CCDC192: variants seen among roughly 807,000 people sequenced by gnomAD.
CCDC192 encodes the protein coiled-coil domain-containing protein 192.
At chr5:127,725,498 T>C (rs951949780) in intron 2 of CCDC192, among the ~76,000 whole-genome samples, 12 of 152,230 alleles carry the variant, frequency 7.9e-5, no homozygotes, top group African/African-American at 2.9e-4. Flanking sequence ...ATTCAAAGTA[T>C]TATTTCAACA....
chr5:127,712,030 C>A (rs1296009394), intron 2 of CCDC192, among the ~76,000 whole-genome samples: 2 of 152,102 alleles, frequency 1.3e-5, no homozygotes, highest in Non-Finnish European at 2.9e-5. Flanking sequence ...GGAATTCCCC[C>A]ACCTGCCTCT....
At chr5:127,750,147 T>G (rs1754053043) in intron 2 of CCDC192, among the ~76,000 whole-genome samples, 1 of 152,220 alleles carries the variant, frequency 6.6e-6, no homozygotes, top group South Asian at 2.1e-4. Context: ...ATTTCTTGCC[T>G]TCTGCTAGCT....
At chr5:127,802,465 C>T (rs76816995) in intron 5 of CCDC192, among the ~76,000 whole-genome samples, 2,082 of 152,278 alleles carry the variant, frequency 0.014, 46 homozygotes, top group African/African-American at 0.048. Context: ...CACCCTGCAT[C>T]TCTGCCCTAG....
chr5:127,714,410 A>T (rs996228831), intron 2 of CCDC192, among the ~76,000 whole-genome samples: 2 of 152,124 alleles, frequency 1.3e-5, no homozygotes, highest in Non-Finnish European at 2.9e-5. Context: ...TTATTTTTAG[A>T]TAGAATCTCA....
intron 5 of CCDC192, among the ~76,000 whole-genome samples, chr5:127,830,479 G>A (rs1029232355): frequency 2.0e-5 from 3 of 152,100 alleles, no homozygotes; most frequent in African/African-American, 2.4e-5. Flanking sequence ...TTCTTGCTGC[G>A]TCCTTATATG....
chr5:127,903,831 T>A (rs1753123889), intron 6 of CCDC192, among the ~76,000 whole-genome samples: 1 of 152,158 alleles, frequency 6.6e-6, no homozygotes, highest in African/African-American at 2.4e-5. Flanking sequence ...TTGAAAACTG[T>A]TTTGTTGGAG....
chr5:127,795,385 A>G (rs1235292443), intron 3 of CCDC192, among the ~76,000 whole-genome samples: 1 of 152,038 alleles, frequency 6.6e-6, no homozygotes, highest in Non-Finnish European at 1.5e-5. Context: ...AATAATTATA[A>G]TAAGAGCTGC....
At chr5:127,793,327 A>T (rs557809049) in intron 3 of CCDC192, among the ~76,000 whole-genome samples, 9 of 152,170 alleles carry the variant, frequency 5.9e-5, no homozygotes, top group Admixed American at 3.3e-4. Flanking sequence ...ACAAAAGGAG[A>T]GGAAATAAGG....
Position 127,778,448 on chromosome 5 carries a change from C to T in CCDC192, c.223-18655C>T, listed in dbSNP as rs976219201. Among the ~76,000 whole-genome samples the T allele has an allele frequency of 2.6e-5, 4 of 152,150 alleles. No individual in the cohort carries two copies. In the South Asian group the frequency reaches 6.2e-4, roughly 24 times the overall value. On this transcript the variant is annotated intron_variant, in intron 3 of 6. Transcript: ENST00000514853. ...TTTTAGATATTGAACCACTCTTGTACATCTGAGATTAATCCCACTTGGTCA... is the reference window on the plus strand; with the variant it reads ...TTTTAGATATTGAACCACTCTTGTATATCTGAGATTAATCCCACTTGGTCA...
At chr5:127,838,531 T>C (rs1413202418) in intron 5 of CCDC192, 1 of 152,200 alleles carries the variant, frequency 6.6e-6, no homozygotes, top group Non-Finnish European at 1.5e-5. Context: ...ACAGAATGTC[T>C]TTCTCAGGAT....
chr5:127,879,187 T>C (rs1752245740), intron 6 of CCDC192, among the ~76,000 whole-genome samples: 1 of 152,018 alleles, frequency 6.6e-6, no homozygotes, highest in Non-Finnish European at 1.5e-5. Flanking sequence ...CTTCAAACTA[T>C]ACTACAAGGC....
chr5:127,917,975 A>C (rs959037572), intron 6 of CCDC192, among the ~76,000 whole-genome samples: 2 of 152,054 alleles, frequency 1.3e-5, no homozygotes, highest in African/African-American at 4.8e-5. Context: ...CCTCGTCTCT[A>C]CAAAATAAAA....
intron 6 of CCDC192, among the ~76,000 whole-genome samples, chr5:127,887,939 G>T (rs545546660): frequency 6.6e-6 from 1 of 151,704 alleles, no homozygotes; most frequent in Non-Finnish European, 1.5e-5. Flanking sequence ...TCTTGACCTC[G>T]TGATCCACCC....
intron 3 of CCDC192, among the ~76,000 whole-genome samples, chr5:127,787,807 T>C (rs1320459408): frequency 6.6e-6 from 1 of 152,104 alleles, no homozygotes; most frequent in Admixed American, 6.5e-5. Flanking sequence ...GTGTAGATAT[T>C]ATATCCATTA....
At chr5:127,785,662 C>G (rs923525389) in intron 3 of CCDC192, 1 of 168,390 alleles carries the variant, frequency 5.9e-6, no homozygotes, top group African/African-American at 2.4e-5. Flanking sequence ...CATAGAACTT[C>G]TGAAACACAT....
At chr5:127,939,661 T>C (rs1437941343) in intron 6 of CCDC192, among the ~76,000 whole-genome samples, 1 of 149,984 alleles carries the variant, frequency 6.7e-6, no homozygotes, top group Non-Finnish European at 1.5e-5. Context: ...ATTAATTTTA[T>C]TTGTTGAGAA....
chr5:127,919,629 A>G (rs6898966), intron 6 of CCDC192, among the ~76,000 whole-genome samples: 27,077 of 152,066 alleles, frequency 0.18, 6,057 homozygotes, highest in African/African-American at 0.51. Context: ...AGAGCACGGC[A>G]TTGTTCTCAC....
chr5:127,891,227 A>G, intron 6 of CCDC192, among the ~76,000 whole-genome samples: 1 of 151,714 alleles, frequency 6.6e-6, no homozygotes, highest in South Asian at 2.1e-4. Flanking sequence ...TAATTTTTGT[A>G]TTTTTTAGTA....
chr5:127,806,355 A>G (rs1163001582), intron 5 of CCDC192, among the ~76,000 whole-genome samples: 2 of 152,074 alleles, frequency 1.3e-5, no homozygotes, highest in East Asian at 1.9e-4. Context: ...CTCATTTTCT[A>G]TAGACGATGA....
Sources: allele counts gnomAD v4.1 joint callset (sites outside exome capture counted in the v4.1 genomes callset), GRCh38; gene constraint gnomAD v4.1.1; transcripts MANE v1.5; gene names NCBI Gene and HGNC (gene_info 2026-07-23, HGNC 2026-07-21).